CTNNA2: variants seen among roughly 807,000 people sequenced by gnomAD.
The protein encoded by CTNNA2 is catenin alpha 2.
A neutral mutation model predicts 101.0 loss-of-function variants in CTNNA2; 42 were observed. The observed-to-expected ratio is 0.42, with a 90% CI of 0.32 to 0.54. The LOEUF is 0.54. Ranked by LOEUF, CTNNA2 falls within the 20% of genes least tolerant of loss-of-function variation. The probability of loss-of-function intolerance (pLI) is 0.14; values close to 1 mark genes in which losing one functional copy is unlikely to be tolerated. For synonymous variants in CTNNA2, 450 were observed against 456.4 expected (o/e 0.99, Z 0.18); for missense variants, 871 against 1,223.1 (o/e 0.71, Z 4.29).
chr2:79,633,109 A>T (rs115859078), intron 1 of CTNNA2, among the ~76,000 whole-genome samples: 1 of 152,208 alleles, frequency 6.6e-6, no homozygotes, highest in African/African-American at 2.4e-5. Context: ...TATGTTAGTT[A>T]GGAGGGTTTG....
chr2:79,489,069 C>T (rs903924982), intron 4 of CTNNA2, among the ~76,000 whole-genome samples: 4 of 152,112 alleles, frequency 2.6e-5, no homozygotes. Flanking sequence ...ACTTTCGGCT[C>T]TCTTTGTATT....
intron 4 of CTNNA2, among the ~76,000 whole-genome samples, chr2:79,494,752 G>A (rs1446939074): frequency 1.3e-5 from 2 of 152,148 alleles, no homozygotes; most frequent in Middle Eastern, 3.4e-3. Flanking sequence ...GAGCAATAAT[G>A]TCTTAGAGAC....
At chr2:80,123,758 A>G (rs1701975200) in intron 7 of CTNNA2, among the ~76,000 whole-genome samples, 1 of 152,178 alleles carries the variant, frequency 6.6e-6, no homozygotes, top group Non-Finnish European at 1.5e-5. Context: ...CACCCAGAGA[A>G]GGCAAAATCT....
At chr2:80,598,446 C>T (rs974387117) in intron 15 of CTNNA2, among the ~76,000 whole-genome samples, 4 of 151,748 alleles carry the variant, frequency 2.6e-5, no homozygotes, top group Non-Finnish European at 2.9e-5. Flanking sequence ...GCACACATAG[C>T]GTAGAACTTA....
intron 7 of CTNNA2, among the ~76,000 whole-genome samples, chr2:80,011,462 G>C (rs1291377820): frequency 6.6e-6 from 1 of 152,124 alleles, no homozygotes; most frequent in Non-Finnish European, 1.5e-5. Flanking sequence ...CACCACCTCA[G>C]AAAGTGAGAG....
At chr2:80,558,774 AAG>A (rs1170041232) in intron 12 of CTNNA2, among the ~76,000 whole-genome samples, 2 of 152,138 alleles carry the variant, frequency 1.3e-5, no homozygotes, top group African/African-American at 4.8e-5. Context: ...GATGAGGAGA[AAG>A]AAGACAAAAT....
chr2:80,078,563 T>A (rs568062552), intron 7 of CTNNA2, among the ~76,000 whole-genome samples: 1 of 152,204 alleles, frequency 6.6e-6, no homozygotes, highest in Admixed American at 6.5e-5. Context: ...GGTGTATGGG[T>A]TGCAGATGTC....
intron 3 of CTNNA2, among the ~76,000 whole-genome samples, chr2:79,788,912 C>T (rs1051107151): frequency 5.3e-5 from 8 of 152,096 alleles, no homozygotes; most frequent in Non-Finnish European, 1.0e-4. Context: ...CTTTACAATG[C>T]GAAATCATGA....
intron 7 of CTNNA2, among the ~76,000 whole-genome samples, chr2:80,261,412 C>T (rs1199968533): frequency 6.6e-6 from 1 of 151,954 alleles, no homozygotes; most frequent in Non-Finnish European, 1.5e-5. Context: ...TAGCTTCATC[C>T]AGTTTAATGA....
chr2:80,116,727 C>T (rs776220106), intron 7 of CTNNA2, among the ~76,000 whole-genome samples: 5 of 152,144 alleles, frequency 3.3e-5, no homozygotes, highest in African/African-American at 9.7e-5. Flanking sequence ...ACTGGAAGAA[C>T]AGGCTCAGGG....
chr2:80,335,291 A>G (rs1018334594), intron 7 of CTNNA2, among the ~76,000 whole-genome samples: 3 of 152,188 alleles, frequency 2.0e-5, no homozygotes, highest in African/African-American at 7.2e-5. Flanking sequence ...TGCATTTTTA[A>G]TAAAAAATAG....
chr2:79,493,094 T>C (rs1671220334), intron 4 of CTNNA2, among the ~76,000 whole-genome samples: 1 of 152,116 alleles, frequency 6.6e-6, no homozygotes, highest in South Asian at 2.1e-4. Flanking sequence ...AACTCCAGGG[T>C]TAAGCCTCTA....
chr2:79,837,397 C>T (rs549942146), intron 3 of CTNNA2, among the ~76,000 whole-genome samples: 2 of 152,298 alleles, frequency 1.3e-5, no homozygotes, highest in Non-Finnish European at 2.9e-5. Context: ...AAGGATGAGT[C>T]TGCCTTTCCC....
chr2:79,412,553 C>T lies in CTNNA2; in HGVS notation c.-135+38540C>T, dbSNP rs1165175475. Among the ~76,000 whole-genome samples the T allele has an allele frequency of 2.0e-5, 3 of 151,864 alleles. No individual in the cohort carries two copies. The East Asian group carries it at 5.8e-4, about 29-fold the overall frequency. On this transcript the variant is annotated intron_variant, in intron 4 of 21. Transcript: ENST00000466387. The stretch of plus-strand genomic sequence containing the variant: ...AAATTATAACAAACTGTCTCTCAGA[C>T]CACAGTGCAATCAAACTAGAACTCA...
chr2:79,542,748 G>A (rs1474541970), intron 1 of CTNNA2, among the ~76,000 whole-genome samples: 1 of 152,122 alleles, frequency 6.6e-6, no homozygotes, highest in Non-Finnish European at 1.5e-5. Context: ...AATCTCACAT[G>A]CACATACACA....
At chr2:79,340,327 G>T (rs574297602) in intron 3 of CTNNA2, among the ~76,000 whole-genome samples, 37 of 152,230 alleles carry the variant, frequency 2.4e-4, no homozygotes, top group African/African-American at 8.4e-4. Context: ...CATCAGTAAA[G>T]GTGATTAAGG....
At chr2:80,370,253 G>GGTGT (rs55674137) in intron 7 of CTNNA2, among the ~76,000 whole-genome samples, 4,575 of 150,772 alleles carry the variant, frequency 0.03, 230 homozygotes, top group African/African-American at 0.1. Flanking sequence ...ATATTTGAGT[G>GGTGT]GTGTGTGTGT....
intron 7 of CTNNA2, among the ~76,000 whole-genome samples, chr2:80,276,681 G>A (rs1007411389): frequency 6.6e-6 from 1 of 151,902 alleles, no homozygotes; most frequent in African/African-American, 2.4e-5. Context: ...GGAAGAAGAA[G>A]AAGAGGAGGA....
intron 3 of CTNNA2, among the ~76,000 whole-genome samples, chr2:79,835,713 T>G (rs1679309728): frequency 8.2e-6 from 1 of 121,676 alleles, no homozygotes; most frequent in Non-Finnish European, 1.6e-5. Context: ...TGAGACAGAG[T>G]GTTGCTGTGC....
Sources: gnomAD v4.1 joint callset for allele counts (sites outside exome capture counted in the v4.1 genomes callset) on GRCh38, gnomAD v4.1.1 for gene constraint, MANE v1.5 for transcripts, NCBI Gene and HGNC (gene_info 2026-07-23, HGNC 2026-07-21) for gene names.